The following SMYD3 variants were observed in gnomAD, a reference collection of about 807,000 sequenced individuals.
SMYD3 encodes the protein histone-lysine N-methyltransferase SMYD3.
SMYD3 carries 36 observed loss-of-function variants against 57.7 expected under a neutral mutation model. That is an observed-to-expected ratio of 0.62 (90% confidence interval 0.48 to 0.82). SMYD3 has a LOEUF of 0.82. SMYD3 is among the 40% of genes least tolerant of loss of function. The pLI is 0.00. For missense variants in SMYD3, 515 were observed against 538.8 expected (o/e 0.96, Z 0.44); for synonymous variants, 211 against 195.0 (o/e 1.08, Z -0.68).
rs80307939 is a variant in SMYD3, at chr1:246,330,710, T to C, written c.337-173A>G. On this transcript the variant is annotated intron_variant, in intron 3 of 11. Transcript: ENST00000490107. ...ACTGAATTAATCAACAACTTTAAAA[T>C]AAAAATCTAACTTGTATCTTCACTC... 0.018 allele frequency among the ~76,000 whole-genome samples: 2,677 copies of C among 152,308 alleles called. 228 individuals are homozygous for C. In the East Asian group the frequency reaches 0.24, roughly 13 times the overall value.
At chr1:245,888,888 G>T (rs1414524445) in intron 8 of SMYD3, among the ~76,000 whole-genome samples, 2 of 152,132 alleles carry the variant, frequency 1.3e-5, no homozygotes, top group Non-Finnish European at 2.9e-5. Context: ...AGAGAAAGTG[G>T]AACCACATTT....
At chr1:245,912,499 T>G (rs2055069209) in intron 8 of SMYD3, among the ~76,000 whole-genome samples, 1 of 152,048 alleles carries the variant, frequency 6.6e-6, no homozygotes, top group African/African-American at 2.4e-5. Context: ...GAAATAGAAC[T>G]AATGATCCTA....
chr1:245,841,300 G>C (rs937154068), intron 10 of SMYD3, among the ~76,000 whole-genome samples: 11 of 152,156 alleles, frequency 7.2e-5, no homozygotes, highest in African/African-American at 2.4e-4. Context: ...AGTGAGTAGA[G>C]CACACATTAA....
intron 5 of SMYD3, among the ~76,000 whole-genome samples, chr1:246,037,042 C>T (rs1200909711): frequency 6.6e-6 from 1 of 152,022 alleles, no homozygotes; most frequent in African/African-American, 2.4e-5. Context: ...AACCAGTTCC[C>T]TACAGATAGA....
rs939590997 is a variant in SMYD3, at chr1:246,164,160, T to C, written c.531+163041A>G. On this transcript the variant is annotated intron_variant, in intron 5 of 11. Coordinates refer to ENST00000490107, the MANE Select transcript of SMYD3 (RefSeq NM_001167740.2). Reference sequence around the variant, plus strand: ...ATCCCAGGTGAGAGAAAACGAGCTATATAAAAATAAGGCTTCTTGGGAGGC... The same window carrying C: ...ATCCCAGGTGAGAGAAAACGAGCTACATAAAAATAAGGCTTCTTGGGAGGC... Among the ~76,000 whole-genome samples, 56 of 152,140 alleles carry C rather than the reference T, an allele frequency of 3.7e-4. 1 individual carries two copies. Among genetic ancestry groups the C allele is most frequent in the African/African-American group, 1.3e-3 (52 of 41,430 alleles).
At chr1:246,020,708 C>A (rs1439231259) in intron 5 of SMYD3, among the ~76,000 whole-genome samples, 2 of 152,248 alleles carry the variant, frequency 1.3e-5, no homozygotes, top group Admixed American at 6.5e-5. Context: ...AGATACTCAT[C>A]ATAATAATCA....
At chr1:246,382,873 G>C (rs1032823034) in intron 1 of SMYD3, among the ~76,000 whole-genome samples, 10 of 152,028 alleles carry the variant, frequency 6.6e-5, no homozygotes, top group Non-Finnish European at 2.9e-5. Context: ...ACAGACTCAG[G>C]CTCAAGGCCC....
At chr1:245,828,610 C>T (rs933083872) in intron 10 of SMYD3, among the ~76,000 whole-genome samples, 4 of 152,044 alleles carry the variant, frequency 2.6e-5, no homozygotes, top group Non-Finnish European at 4.4e-5. Context: ...GGTACATGTA[C>T]ACATTTTTAT....
intron 2 of SMYD3, among the ~76,000 whole-genome samples, chr1:246,346,361 C>A (rs888213681): frequency 1.3e-5 from 2 of 152,092 alleles, no homozygotes; most frequent in Non-Finnish European, 2.9e-5. Context: ...TACTAAAGGC[C>A]TATTTACAGT....
chr1:246,349,773 TC>T (rs2065792031), intron 2 of SMYD3, among the ~76,000 whole-genome samples: 1 of 152,064 alleles, frequency 6.6e-6, no homozygotes, highest in Non-Finnish European at 1.5e-5. Context: ...AGGAGATATA[TC>T]TATATCTGAT....
intron 5 of SMYD3, among the ~76,000 whole-genome samples, chr1:245,977,333 A>G (rs371694836): frequency 9.9e-5 from 15 of 152,280 alleles, no homozygotes; most frequent in African/African-American, 3.1e-4. Context: ...TTGCTCCCTC[A>G]TGGCATGGCT....
chr1:245,784,382 G>T (rs2046952517), intron 10 of SMYD3, among the ~76,000 whole-genome samples: 1 of 152,080 alleles, frequency 6.6e-6, no homozygotes, highest in South Asian at 2.1e-4. Flanking sequence ...ATTTTCTTAT[G>T]GTCACATATT....
intron 1 of SMYD3, among the ~76,000 whole-genome samples, chr1:246,378,758 T>A (rs1407656060): frequency 2.6e-5 from 1 of 39,000 alleles, no homozygotes; most frequent in Non-Finnish European, 6.0e-5. Context: ...ATAATATATT[T>A]AATATATTAT....
intron 10 of SMYD3, among the ~76,000 whole-genome samples, chr1:245,826,283 A>C (rs549650600): frequency 1.6e-4 from 24 of 152,190 alleles, no homozygotes; most frequent in Middle Eastern, 3.4e-3. Flanking sequence ...AACTGGAATC[A>C]AATAGTGTTT....
At chr1:245,770,654 C>A (rs2148084148) in intron 10 of SMYD3, among the ~76,000 whole-genome samples, 1 of 152,156 alleles carries the variant, frequency 6.6e-6, no homozygotes, top group Middle Eastern at 3.4e-3. Flanking sequence ...TCTCTGAAAA[C>A]CAAGAAGAAC....
chr1:245,842,374 C>T (rs546334195), intron 10 of SMYD3, among the ~76,000 whole-genome samples: 48 of 152,246 alleles, frequency 3.2e-4, no homozygotes, highest in Middle Eastern at 3.4e-3. Context: ...AATTGATTTT[C>T]GGCCAACTGA....
In SMYD3 at chr1:246,467,752, C is replaced by T. The variant is rs753719700; in HGVS notation, c.164+39302G>A. Among the ~76,000 whole-genome samples the T allele has an allele frequency of 2.0e-5, 3 of 152,168 alleles. No individual in the cohort carries two copies. In the East Asian group the frequency reaches 5.8e-4, roughly 29 times the overall value. On this transcript the variant is annotated intron_variant, in intron 1 of 11. Transcript: ENST00000490107. ...TGGAAGAGGAGGGAATACTTCCAAA[C>T]TCATTCAAAAAAGCCAGCATTATTC...
chr1:245,955,452 T>C (rs935770916), intron 5 of SMYD3, among the ~76,000 whole-genome samples: 3 of 152,176 alleles, frequency 2.0e-5, no homozygotes, highest in Admixed American at 6.5e-5. Flanking sequence ...TCTTTATTCA[T>C]AGTTTCCTCT....
intron 10 of SMYD3, among the ~76,000 whole-genome samples, chr1:245,770,973 G>A (rs2148085975): frequency 6.6e-6 from 1 of 152,162 alleles, no homozygotes; most frequent in South Asian, 2.1e-4. Context: ...ATAAACAGGA[G>A]CAGAGGTCTC....
Sources: gnomAD v4.1 joint callset for allele counts (sites outside exome capture counted in the v4.1 genomes callset) on GRCh38, gnomAD v4.1.1 for gene constraint, MANE v1.5 for transcripts, NCBI Gene and HGNC (gene_info 2026-07-23, HGNC 2026-07-21) for gene names.